The following FRMD5 variants were observed in gnomAD, a reference collection of about 807,000 sequenced individuals.
The protein encoded by FRMD5 is FERM domain-containing protein 5.
Under a neutral mutation model 69.0 loss-of-function variants are expected in FRMD5, and 20 were observed. That is an observed-to-expected ratio of 0.29 (90% CI 0.20 to 0.42). The LOEUF is 0.42. Ranked by LOEUF, FRMD5 falls within the 10% of genes least tolerant of loss-of-function variation. The pLI is 1.00. For missense variants in FRMD5, 595 were observed against 708.6 expected, an observed-to-expected ratio of 0.84 and a Z score of 1.82; for synonymous variants, 271 against 260.1, an observed-to-expected ratio of 1.04 and a Z score of -0.40.
intron 1 of FRMD5, among the ~76,000 whole-genome samples, chr15:43,962,975 C>G (rs1375619873): frequency 6.6e-6 from 1 of 152,174 alleles, no homozygotes; most frequent in Admixed American, 6.5e-5. Flanking sequence ...GTAGGCAATA[C>G]CATTCAGGAT....
At chr15:43,972,301 A>G (rs539154898) in intron 1 of FRMD5, among the ~76,000 whole-genome samples, 52 of 152,026 alleles carry the variant, frequency 3.4e-4, no homozygotes, top group Admixed American at 7.2e-4. Flanking sequence ...AGGCCTTTAA[A>G]TGCATCAATA....
At chr15:43,972,710 A>G (rs1293062049) in intron 1 of FRMD5, among the ~76,000 whole-genome samples, 1 of 152,194 alleles carries the variant, frequency 6.6e-6, no homozygotes, top group African/African-American at 2.4e-5. Flanking sequence ...CTCCACGTGC[A>G]TGACAGAGAG....
intron 1 of FRMD5, among the ~76,000 whole-genome samples, chr15:44,100,980 C>G (rs931274824): frequency 6.6e-6 from 1 of 151,836 alleles, no homozygotes; most frequent in African/African-American, 2.4e-5. Context: ...AAAACCCTGT[C>G]CCTACTAAAA....
chr15:44,121,878 C>T (rs2076956271), intron 1 of FRMD5, among the ~76,000 whole-genome samples: 1 of 150,888 alleles, frequency 6.6e-6, no homozygotes, highest in African/African-American at 2.4e-5. Context: ...GCCTGTAGTC[C>T]CAGCTACTTG....
chr15:43,951,621 A>G (rs1197939744), intron 1 of FRMD5, among the ~76,000 whole-genome samples: 1 of 152,174 alleles, frequency 6.6e-6, no homozygotes, highest in East Asian at 1.9e-4. Flanking sequence ...ACACCAGATA[A>G]TATGTGTGAA....
chr15:43,918,641 G>T (rs1249292658), intron 4 of FRMD5, among the ~76,000 whole-genome samples: 1 of 152,168 alleles, frequency 6.6e-6, no homozygotes, highest in Non-Finnish European at 1.5e-5. Flanking sequence ...CTCAGCTCTA[G>T]GATTCCCTGG....
intron 1 of FRMD5, among the ~76,000 whole-genome samples, chr15:43,953,081 G>A (rs1048678728): frequency 6.6e-6 from 1 of 152,134 alleles, no homozygotes; most frequent in Non-Finnish European, 1.5e-5. Flanking sequence ...TGGTAATTCC[G>A]CTTTAGATGT....
intron 1 of FRMD5, among the ~76,000 whole-genome samples, chr15:44,033,617 C>T (rs997002882): frequency 1.3e-5 from 2 of 152,116 alleles, no homozygotes; most frequent in African/African-American, 4.8e-5. Flanking sequence ...CAGAGAATTA[C>T]ACCAGTAAAC....
At chr15:43,892,144 G>T in intron 7 of FRMD5, 75 bp from the exon 8 acceptor site, 1 of 1,238,938 alleles carries the variant, frequency 8.1e-7, no homozygotes, top group East Asian at 2.4e-5. Context: ...GCTGTTCATA[G>T]GTGATGCAGG....
intron 1 of FRMD5, among the ~76,000 whole-genome samples, chr15:44,148,226 G>T (rs2077385580): frequency 6.6e-6 from 1 of 151,690 alleles, no homozygotes; most frequent in Non-Finnish European, 1.5e-5. Context: ...TGAAGATATA[G>T]GCATACCTTG....
chr15:43,962,138 T>C (rs1210081036), intron 1 of FRMD5, among the ~76,000 whole-genome samples: 1 of 152,184 alleles, frequency 6.6e-6, no homozygotes, highest in African/African-American at 2.4e-5. Flanking sequence ...GATGACATGA[T>C]TGTATATCTA....
intron 5 of FRMD5, among the ~76,000 whole-genome samples, chr15:43,906,272 G>A (rs192697841): frequency 6.6e-5 from 10 of 152,278 alleles, no homozygotes; most frequent in Admixed American, 3.3e-4. Flanking sequence ...CATCCATTCC[G>A]CCATGAGAAG....
At chr15:44,114,618 A>G (rs1320577414) in intron 1 of FRMD5, among the ~76,000 whole-genome samples, 1 of 152,222 alleles carries the variant, frequency 6.6e-6, no homozygotes, top group African/African-American at 2.4e-5. Context: ...TTTTGACTCT[A>G]TACTTCTGCT....
chr15:44,139,338 C>G (rs755418458), intron 1 of FRMD5, among the ~76,000 whole-genome samples: 1 of 150,834 alleles, frequency 6.6e-6, no homozygotes, highest in Admixed American at 6.6e-5. Flanking sequence ...CACTTTCTTT[C>G]ATCTACTAAA....
chr15:44,062,781 G>A lies in FRMD5; in HGVS notation c.102+132172C>T, dbSNP rs554036410. ...TATAAGGGATTTTGGTATCCTCAAT[G>A]GGTCCTGGAACCAATCCCCCCCAGA... On this transcript the variant is annotated intron_variant, in intron 1 of 13. Transcript: ENST00000417257. Among the ~76,000 whole-genome samples the A allele has an allele frequency of 6.6e-5, 10 of 151,642 alleles. No homozygotes were observed. In the South Asian group the frequency reaches 1.5e-3, roughly 22 times the overall value.
intron 1 of FRMD5, among the ~76,000 whole-genome samples, chr15:44,152,110 T>C (rs1285271063): frequency 6.6e-6 from 1 of 152,202 alleles, no homozygotes; most frequent in Non-Finnish European, 1.5e-5. Context: ...CTCAGGAGGC[T>C]GAGGCATGAG....
chr15:43,975,518 G>T (rs2090449279), intron 1 of FRMD5, among the ~76,000 whole-genome samples: 1 of 152,210 alleles, frequency 6.6e-6, no homozygotes, highest in African/African-American at 2.4e-5. Context: ...CTGGTCGTCA[G>T]CAGTGAAACC....
intron 1 of FRMD5, among the ~76,000 whole-genome samples, chr15:44,086,461 G>T (rs889486070): frequency 6.6e-6 from 1 of 152,100 alleles, no homozygotes; most frequent in African/African-American, 2.4e-5. Context: ...GATGCCAAAG[G>T]CCACATATTA....
At chr15:43,874,767 G>A (rs910738670) in intron 13 of FRMD5, among the ~76,000 whole-genome samples, 1 of 152,038 alleles carries the variant, frequency 6.6e-6, no homozygotes, top group Non-Finnish European at 1.5e-5. Flanking sequence ...GGGCCTGGTG[G>A]CACATGCCTG....
Sources: allele counts gnomAD v4.1 joint callset (sites outside exome capture counted in the v4.1 genomes callset), GRCh38; gene constraint gnomAD v4.1.1; transcripts MANE v1.5; gene names NCBI Gene and HGNC (gene_info 2026-07-23, HGNC 2026-07-21).